The following LMAN2L variants were observed in gnomAD, a reference collection of about 807,000 sequenced individuals.
The protein encoded by LMAN2L is VIP36-like protein.
LMAN2L carries 30 observed loss-of-function variants against 44.3 expected under a neutral mutation model. The observed-to-expected ratio is 0.68, with a 90% CI of 0.51 to 0.92. LMAN2L has a LOEUF of 0.92. Among genes scored for constraint, LMAN2L ranks in the 40% least tolerant of loss-of-function variants. The probability of loss-of-function intolerance (pLI) is 0.00; values close to 1 mark genes in which losing one functional copy is unlikely to be tolerated. For synonymous variants in LMAN2L, 183 were observed against 171.1 expected (o/e 1.07, Z -0.54); for missense variants, 429 against 446.1 (o/e 0.96, Z 0.35).
chr2:96,721,445 A>G (rs771026350), intron 4 of LMAN2L, among the ~76,000 whole-genome samples: 7 of 145,798 alleles, frequency 4.8e-5, no homozygotes, highest in African/African-American at 7.7e-5. Context: ...TGATCCACTC[A>G]CCTTGGTCTC....
chr2:96,715,425 A>G (rs183457127), intron 4 of LMAN2L, among the ~76,000 whole-genome samples: 190 of 152,288 alleles, frequency 1.2e-3, no homozygotes, highest in African/African-American at 4.3e-3. Context: ...CTTATTTTCT[A>G]CGCCTAGTCA....
At chr2:96,735,809 G>T (rs2078502517) in intron 2 of LMAN2L, among the ~76,000 whole-genome samples, 1 of 151,092 alleles carries the variant, frequency 6.6e-6, no homozygotes, top group African/African-American at 2.4e-5. Context: ...CTACACTCCA[G>T]CCTGGGCGAC....
chr2:96,713,000 C>T (rs1189086991), intron 4 of LMAN2L: 1 of 913,712 alleles, frequency 1.1e-6, no homozygotes, highest in African/African-American at 1.7e-5. Context: ...CAGTCGAGAC[C>T]AGAGACCGGG....
chr2:96,732,784 T>C (rs1284414149), intron 4 of LMAN2L, among the ~76,000 whole-genome samples: 1 of 149,822 alleles, frequency 6.7e-6, no homozygotes, highest in African/African-American at 2.5e-5. Context: ...TAGCCTTTTC[T>C]TTCTTTCTTT....
chr2:96,714,274 AG>A (rs1233449413), intron 4 of LMAN2L, among the ~76,000 whole-genome samples: 1 of 152,258 alleles, frequency 6.6e-6, no homozygotes, highest in Non-Finnish European at 1.5e-5. Flanking sequence ...GGCACATTCA[AG>A]GAACTGGAAA....
intron 4 of LMAN2L, among the ~76,000 whole-genome samples, chr2:96,717,625 A>C (rs986097680): frequency 4.0e-5 from 6 of 151,608 alleles, no homozygotes; most frequent in Admixed American, 3.9e-4. Context: ...GGATCACCTG[A>C]GGTCGGGAGT....
At chr2:96,728,613 CGG>C in intron 4 of LMAN2L, among the ~76,000 whole-genome samples, 1 of 151,772 alleles carries the variant, frequency 6.6e-6, no homozygotes, top group East Asian at 1.9e-4. Context: ...GAGGCCGAGG[CGG>C]GTAGATTACT....
At chr2:96,712,461 A>G (rs1008323998) in intron 4 of LMAN2L, among the ~76,000 whole-genome samples, 27 of 152,186 alleles carry the variant, frequency 1.8e-4, no homozygotes, top group African/African-American at 6.3e-4. Flanking sequence ...CTTCAGCCCC[A>G]TCTCCTCCCA....
At chr2:96,732,411 C>T (rs2078419881) in intron 4 of LMAN2L, among the ~76,000 whole-genome samples, 1 of 151,556 alleles carries the variant, frequency 6.6e-6, no homozygotes, top group East Asian at 2.0e-4. Context: ...TTTGGGAGGC[C>T]GAGACAGGCG....
chr2:96,731,470 G>A (rs1463844526), intron 4 of LMAN2L, among the ~76,000 whole-genome samples: 1 of 151,994 alleles, frequency 6.6e-6, no homozygotes, highest in Non-Finnish European at 1.5e-5. Flanking sequence ...CCAACATGGT[G>A]AAACCTTGTC....
At chr2:96,721,456 C>T (rs973075217) in intron 4 of LMAN2L, among the ~76,000 whole-genome samples, 1 of 150,394 alleles carries the variant, frequency 6.6e-6, no homozygotes, top group African/African-American at 2.5e-5. Flanking sequence ...CCTTGGTCTC[C>T]TAAAGTGCTA....
intron 2 of LMAN2L, among the ~76,000 whole-genome samples, chr2:96,737,609 T>C (rs1235285202): frequency 6.6e-6 from 1 of 152,216 alleles, no homozygotes; most frequent in Non-Finnish European, 1.5e-5. Context: ...GCTATGATTG[T>C]GCCACTGCAC....
chr2:96,728,399 C>T (rs143567105), intron 4 of LMAN2L, among the ~76,000 whole-genome samples: 3 of 151,150 alleles, frequency 2.0e-5, no homozygotes, highest in African/African-American at 4.9e-5. Context: ...CCAGCTATTC[C>T]GGAGGCTGAG....
At chr2:96,725,724 CG>C (rs1380769274) in intron 4 of LMAN2L, among the ~76,000 whole-genome samples, 1 of 151,144 alleles carries the variant, frequency 6.6e-6, no homozygotes, top group Non-Finnish European at 1.5e-5. Flanking sequence ...GGATTACAGG[CG>C]TAAGCCACCG....
intron 4 of LMAN2L, among the ~76,000 whole-genome samples, chr2:96,720,126 A>AT (rs997284274): frequency 1.3e-5 from 2 of 152,200 alleles, no homozygotes; most frequent in Non-Finnish European, 2.9e-5. Context: ...AACAATCATC[A>AT]CATCAAAAAA....
chr2:96,731,206 C>G (rs1328398078), intron 4 of LMAN2L, among the ~76,000 whole-genome samples: 3 of 152,192 alleles, frequency 2.0e-5, no homozygotes, highest in Admixed American at 1.3e-4. Context: ...ACCATGTTAT[C>G]TTGCTCACTA....
chr2:96,708,092 AT>A (rs1175691266), intron 6 of LMAN2L, among the ~76,000 whole-genome samples: 4 of 152,242 alleles, frequency 2.6e-5, no homozygotes, highest in Non-Finnish European at 4.4e-5. Context: ...TCGACTTACA[AT>A]TTTCCAACTT....
rs955964043 is a variant in LMAN2L at position 96,733,094 on chromosome 2, G to GAGA, written c.507+422_507+424dup. On this transcript the variant is annotated intron_variant, in intron 4 of 7. Coordinates refer to ENST00000264963, the MANE Select transcript of LMAN2L (RefSeq NM_030805.4). ...GCGAGGAGAACTGTTCTTCAGGTCTGAGAAGAAGAAGAAGAAAAAGAAGCT... is the reference window on the plus strand; with the variant it reads ...GCGAGGAGAACTGTTCTTCAGGTCTGAGAAGAAGAAGAAGAAGAAAAAGAAGCT... Among the ~76,000 whole-genome samples the GAGA allele has an allele frequency of 5.9e-5, 9 of 152,160 alleles. No homozygotes were observed. The East Asian group carries it at 1.2e-3, about 20-fold the overall frequency.
intron 4 of LMAN2L, among the ~76,000 whole-genome samples, chr2:96,732,132 C>T (rs894588600): frequency 1.3e-5 from 2 of 150,504 alleles, no homozygotes; most frequent in Non-Finnish European, 3.0e-5. Flanking sequence ...GGATTACAGG[C>T]GTGAGCCACC....
Sources: gnomAD v4.1 joint callset for allele counts (sites outside exome capture counted in the v4.1 genomes callset) on GRCh38, gnomAD v4.1.1 for gene constraint, MANE v1.5 for transcripts, NCBI Gene and HGNC (gene_info 2026-07-23, HGNC 2026-07-21) for gene names.